AQR: variants seen among roughly 807,000 people sequenced by gnomAD.
AQR encodes aquarius intron-binding spliceosomal factor, also known as RNA helicase aquarius.
Under a neutral mutation model 180.5 loss-of-function variants are expected in AQR, and 61 were observed. The ratio of observed to expected loss-of-function variants is 0.34; its 90% CI spans 0.28 to 0.42. The LOEUF is 0.42. AQR is among the 10% of genes least tolerant of loss of function. The pLI is 1.00. For synonymous variants in AQR, 551 were observed against 588.8 expected (o/e 0.94, Z 0.93); for missense variants, 1,281 against 1,798.3 (o/e 0.71, Z 5.20).
intron 2 of AQR, among the ~76,000 whole-genome samples, chr15:34,962,744 G>A (rs985734627): frequency 6.6e-6 from 1 of 151,660 alleles, no homozygotes; most frequent in South Asian, 2.1e-4. Flanking sequence ...ACTCCAAACT[G>A]GGTGACAAGA....
At chr15:34,950,079 TTTTCC>T in intron 4 of AQR, among the ~76,000 whole-genome samples, 1 of 138,634 alleles carries the variant, frequency 7.2e-6, no homozygotes, top group Non-Finnish European at 1.5e-5. Context: ...CTCTTTGCTA[TTTTCC>T]TTTTTTTTTT....
At chr15:34,862,762 T>G (rs1313171642) in intron 33 of AQR, 105 bp downstream of exon 33, 23 of 1,242,870 alleles carry the variant, frequency 1.9e-5, no homozygotes, top group Non-Finnish European at 2.5e-5. Context: ...AAACAGGGAC[T>G]AAATTATCTA....
At chr15:34,960,630 C>G (rs1020578329) in intron 3 of AQR, 144 bp downstream of exon 3, 1 of 478,956 alleles carries the variant, frequency 2.1e-6, no homozygotes, top group Non-Finnish European at 3.8e-6. Context: ...CTCTTCAGCA[C>G]CTAAAGTTTT....
chr15:34,928,978 C>G (rs1032180023), intron 12 of AQR, among the ~76,000 whole-genome samples: 2 of 152,130 alleles, frequency 1.3e-5, no homozygotes, highest in Non-Finnish European at 1.5e-5. Flanking sequence ...GTTCGTTGGC[C>G]ACATAAATGT....
chr15:34,919,922 C>G (rs56029277), intron 14 of AQR, among the ~76,000 whole-genome samples: 4 of 151,214 alleles, frequency 2.6e-5, no homozygotes. Context: ...AACAAACAAA[C>G]AAAAAAACAA....
Position 34,918,371 on chromosome 15 carries a change from C to T in AQR, c.1229G>A (p.Arg410His), listed in dbSNP as rs775926117. ...KEFLLELLVS[R>H]HERRISQIQQ... is the part of the protein sequence containing the mutation. ...AATCTGAGAAATTCGACGTTCATGA[C>T]GAGATACCTAAAATAAAGGAAACAA... The change falls in exon 15 of 35, where the codon CGT becomes CAT. Residue 410 changes from arginine to histidine, a missense_variant. Physicochemically the swap from Arg to His is conservative, Grantham distance 29 (BLOSUM62 0). Around this residue, in one of 9 missense-constraint regions of AQR, gnomAD observed 404 missense variants for 490.9 expected, o/e 0.82. Coordinates refer to ENST00000156471, the MANE Select transcript of AQR (RefSeq NM_014691.3). The T allele has an allele frequency of 3.7e-6, 6 of 1,613,132 alleles. No individual in the cohort carries two copies. Among genetic ancestry groups the T allele is most frequent in the African/African-American group, 2.7e-5 (2 of 74,968 alleles).
At chr15:34,962,024 CT>C (rs556539727) in intron 2 of AQR, among the ~76,000 whole-genome samples, 567 of 138,964 alleles carry the variant, frequency 4.1e-3, no homozygotes, top group Non-Finnish European at 3.9e-3. Context: ...ACTATAATGT[CT>C]TTTTTTTTTT....
intron 8 of AQR, among the ~76,000 whole-genome samples, chr15:34,940,567 AAAG>A (rs1232519353): frequency 6.6e-6 from 1 of 152,140 alleles, no homozygotes; most frequent in Admixed American, 6.6e-5. Context: ...TAAGAAAAAG[AAAG>A]AGAAGTTATA....
intron 15 of AQR, among the ~76,000 whole-genome samples, chr15:34,917,563 C>T (rs1301941926): frequency 2.0e-5 from 3 of 151,938 alleles, no homozygotes; most frequent in Non-Finnish European, 4.4e-5. Context: ...GTGATCATTA[C>T]CTGCTTTACA....
At chr15:34,960,689 A>C in intron 3 of AQR, 85 bp downstream of exon 3, 2 of 616,844 alleles carry the variant, frequency 3.2e-6, no homozygotes, top group Non-Finnish European at 5.6e-6. Context: ...AAAAGGGTTC[A>C]AGTTATGATC....
chr15:34,854,302 G>C lies in AQR; in HGVS notation c.*2490C>G, dbSNP rs1432487595. On this transcript the variant is annotated 3_prime_UTR_variant, in exon 35 of 35. Transcript: ENST00000156471. ...ATTTAGATATGAAAAATAGGATGGAGAGCAATGGGAACACTAATCTGAAAT... is the reference window on the plus strand; with the variant it reads ...ATTTAGATATGAAAAATAGGATGGACAGCAATGGGAACACTAATCTGAAAT... The C allele has an allele frequency of 6.6e-6, 1 of 152,128 alleles. No homozygotes were observed. Among genetic ancestry groups the C allele is most frequent in the African/African-American group, 2.4e-5 (1 of 41,434 alleles). The allele number at this position is 152,128 out of a possible 1,614,324, so 9.4% of individuals were successfully genotyped here.
At position 34,852,647 on chromosome 15, in the gene AQR, T is replaced by G. The variant is rs902250009; in HGVS notation, c.*4145A>C. The G allele has an allele frequency of 9.2e-5, 14 of 152,182 alleles. No homozygotes were observed. The highest frequency in any genetic ancestry group is 3.4e-4 in the African/African-American group (14 of 41,448). 9.4% of individuals were successfully genotyped at this position (152,182 alleles called of 1,614,324 possible). On this transcript the variant is annotated 3_prime_UTR_variant, in exon 35 of 35. Coordinates refer to ENST00000156471, the MANE Select transcript of AQR (RefSeq NM_014691.3). ...TTAAACAAAGCTAAACATGATTCTTTCCAGTGGGACATCTGAGAGTCTTTA... is the reference window on the plus strand; with the variant it reads ...TTAAACAAAGCTAAACATGATTCTTGCCAGTGGGACATCTGAGAGTCTTTA...
At position 34,863,048 on chromosome 15, in the gene AQR, G is replaced by C; in HGVS notation, c.3855-7C>G. 1 of 1,604,730 alleles carries C rather than the reference G, an allele frequency of 6.2e-7. No individual in the cohort carries two copies. The highest frequency in any genetic ancestry group is 1.1e-5 in the South Asian group (1 of 90,150). On this transcript the variant is annotated splice_polypyrimidine_tract_variant and splice_region_variant and intron_variant, in intron 32 of 34. Coordinates refer to ENST00000156471, the MANE Select transcript of AQR (RefSeq NM_014691.3). ...TACCAAGCGACGGACATCCCTTTGGGAAATAAACAAAATAATTAGCACACT... is the reference window on the plus strand; with the variant it reads ...TACCAAGCGACGGACATCCCTTTGGCAAATAAACAAAATAATTAGCACACT...
intron 27 of AQR, 85 bp from the exon 28 acceptor site, chr15:34,876,091 A>G: frequency 3.2e-6 from 3 of 940,314 alleles, no homozygotes; most frequent in South Asian, 3.0e-5. Flanking sequence ...AAAACCCCAA[A>G]TAATTTCTGA....
chr15:34,952,347 G>A (rs1393850089), intron 4 of AQR, among the ~76,000 whole-genome samples: 1 of 152,182 alleles, frequency 6.6e-6, no homozygotes, highest in African/African-American at 2.4e-5. Flanking sequence ...ACACTGTGGT[G>A]AGCACAAAAC....
intron 3 of AQR, among the ~76,000 whole-genome samples, chr15:34,958,966 CATATAGAT>C (rs1260204600): frequency 2.0e-5 from 3 of 146,890 alleles, no homozygotes; most frequent in Non-Finnish European, 4.5e-5. Context: ...CATTACATTA[CATATAGAT>C]ATATAGATAT....
At chr15:34,955,408 C>T (rs1017570680) in intron 3 of AQR, among the ~76,000 whole-genome samples, 5 of 152,128 alleles carry the variant, frequency 3.3e-5, no homozygotes, top group Admixed American at 1.3e-4. Context: ...TTACATTCCC[C>T]CCTATCCCAA....
intron 18 of AQR, among the ~76,000 whole-genome samples, chr15:34,905,256 A>G (rs753636541): frequency 2.6e-5 from 4 of 152,042 alleles, no homozygotes; most frequent in Admixed American, 6.6e-5. Flanking sequence ...TATAATCTCT[A>G]AACCACAGAT....
intron 16 of AQR, among the ~76,000 whole-genome samples, chr15:34,914,238 A>G (rs1893544880): frequency 6.6e-6 from 1 of 152,226 alleles, no homozygotes; most frequent in African/African-American, 2.4e-5. Context: ...TCAATTTCAT[A>G]CTTGATGAAA....
Sources: gnomAD v4.1 joint callset for allele counts (sites outside exome capture counted in the v4.1 genomes callset) on GRCh38, gnomAD v4.1.1 for gene constraint, gnomAD v4.1.1 regional missense constraint, MANE v1.5 for transcripts, NCBI Gene and HGNC (gene_info 2026-07-23, HGNC 2026-07-21) for gene names.